The following TMEM150C variants were observed in gnomAD, a reference collection of about 807,000 sequenced individuals.
TMEM150C encodes the protein transmembrane protein 150C.
In TMEM150C, 10 loss-of-function variants were observed where a neutral mutation model predicts 29.9. That is an observed-to-expected ratio of 0.33 (90% CI 0.21 to 0.57). The LOEUF is 0.57. TMEM150C is among the 20% of genes least tolerant of loss of function. The pLI, the probability that TMEM150C is intolerant of heterozygous loss-of-function variation, is 0.88. For missense variants in TMEM150C, 251 were observed against 303.6 expected (o/e 0.83, Z 1.29); for synonymous variants, 101 against 112.5 (o/e 0.90, Z 0.64).
intron 2 of TMEM150C, among the ~76,000 whole-genome samples, chr4:82,503,453 T>G (rs994718196): frequency 4.6e-5 from 7 of 152,184 alleles, no homozygotes; most frequent in African/African-American, 1.7e-4. Context: ...TAACAAACTT[T>G]GAGAAACTAA....
At chr4:82,507,851 G>A (rs927214256) in intron 1 of TMEM150C, among the ~76,000 whole-genome samples, 2 of 141,732 alleles carry the variant, frequency 1.4e-5, no homozygotes, top group African/African-American at 5.3e-5. Context: ...GGGCTCAAGC[G>A]ATCCTCCCAC....
chr4:82,521,991 A>G (rs930618002), intron 1 of TMEM150C, among the ~76,000 whole-genome samples: 4 of 152,138 alleles, frequency 2.6e-5, no homozygotes, highest in African/African-American at 9.7e-5. Flanking sequence ...TGAACCTGGG[A>G]GGTCGAGGCT....
At chr4:82,530,445 T>C (rs545686971) in intron 1 of TMEM150C, among the ~76,000 whole-genome samples, 1 of 152,180 alleles carries the variant, frequency 6.6e-6, no homozygotes, top group South Asian at 2.1e-4. Context: ...TAGTCCCAGT[T>C]ACTCGGGAGG....
chr4:82,523,092 A>T (rs925424327), intron 1 of TMEM150C, among the ~76,000 whole-genome samples: 1 of 152,168 alleles, frequency 6.6e-6, no homozygotes, highest in East Asian at 1.9e-4. Context: ...GTGGAGGAAC[A>T]CCAGGGTTCT....
Position 82,504,612 on chromosome 4 carries a change from A to G in TMEM150C, c.46T>C (p.Phe16Leu). ...AATCCAGCTGAAGTAAACAAAGTAA[A>G]TACAAGAGGTAGGAACATCCATACG... ...CSVWMFLPLV[F>L]TLFTSAGLWI... The change falls in exon 2 of 8, where the codon TTT (phenylalanine) becomes CTT (leucine). Residue 16 changes from phenylalanine (F) to leucine (L), a missense_variant. By Grantham distance (22) the Phe-to-Leu change is conservative. Coordinates refer to ENST00000449862, the MANE Select transcript of TMEM150C (RefSeq NM_001080506.3). 1 of 1,613,790 alleles carries G rather than the reference A, an allele frequency of 6.2e-7. No homozygotes were observed. Among genetic ancestry groups the G allele is most frequent in the East Asian group, 2.2e-5 (1 of 44,890 alleles).
intron 1 of TMEM150C, among the ~76,000 whole-genome samples, chr4:82,523,385 G>A (rs1483833834): frequency 1.3e-5 from 2 of 152,188 alleles, no homozygotes; most frequent in African/African-American, 4.8e-5. Context: ...AGCCCTGCGA[G>A]AAAGCTGGCC....
At chr4:82,504,787 T>C in intron 1 of TMEM150C, 120 bp from the exon 2 acceptor site, 1 of 664,372 alleles carries the variant, frequency 1.5e-6, no homozygotes, top group Non-Finnish European at 2.6e-6. Flanking sequence ...TCCCAGCACT[T>C]TGGGAGGCCG....
intron 1 of TMEM150C, among the ~76,000 whole-genome samples, chr4:82,524,930 C>T (rs1382978518): frequency 6.6e-6 from 1 of 152,148 alleles, no homozygotes; most frequent in Non-Finnish European, 1.5e-5. Flanking sequence ...CACAGAAACA[C>T]GGTGTGATTA....
intron 1 of TMEM150C, among the ~76,000 whole-genome samples, chr4:82,542,237 G>A (rs921069646): frequency 1.3e-5 from 2 of 152,190 alleles, no homozygotes; most frequent in African/African-American, 2.4e-5. Context: ...GGGTCTTAAA[G>A]CTGTGGACAA....
intron 1 of TMEM150C, among the ~76,000 whole-genome samples, chr4:82,526,355 T>C (rs1448931456): frequency 2.6e-5 from 4 of 152,232 alleles, no homozygotes; most frequent in Admixed American, 1.3e-4. Context: ...ATCTGCTCAA[T>C]TGGCCAGGTA....
intron 7 of TMEM150C, among the ~76,000 whole-genome samples, chr4:82,487,740 A>C (rs1013276241): frequency 2.6e-5 from 4 of 152,198 alleles, no homozygotes; most frequent in Non-Finnish European, 4.4e-5. Flanking sequence ...TTGTGAATGA[A>C]GAAAAAATAA....
rs186943145 is a variant in TMEM150C, at chr4:82,506,976, T to A, written c.-10-2309A>T. 2.1e-3 allele frequency among the ~76,000 whole-genome samples: 319 copies of A among 152,236 alleles called. 4 individuals carry two copies. Among genetic ancestry groups the A allele is most frequent in the Admixed American group, 9.1e-3 (140 of 15,302 alleles). On this transcript the variant is annotated intron_variant, in intron 1 of 7. Coordinates refer to ENST00000449862, the MANE Select transcript of TMEM150C (RefSeq NM_001080506.3). ...CTCGGCTTTCCCAATAACTGACTAA[T>A]AGGGTCTGGGTCGTTACTTAAATCT...
intron 1 of TMEM150C, among the ~76,000 whole-genome samples, chr4:82,510,422 G>C (rs1724086767): frequency 6.6e-6 from 1 of 152,230 alleles, no homozygotes; most frequent in Non-Finnish European, 1.5e-5. Flanking sequence ...TGGGGCAATG[G>C]AGAGAGGTAG....
intron 5 of TMEM150C, among the ~76,000 whole-genome samples, chr4:82,498,810 C>G (rs1359629548): frequency 6.6e-6 from 1 of 152,180 alleles, no homozygotes; most frequent in East Asian, 1.9e-4. Context: ...CCAGTAAACA[C>G]AGGACATGCA....
chr4:82,557,739 T>C (rs990292465), intron 1 of TMEM150C, among the ~76,000 whole-genome samples: 5 of 149,838 alleles, frequency 3.3e-5, no homozygotes, highest in African/African-American at 1.2e-4. Flanking sequence ...TTTTTCTTTT[T>C]TTTTTTTTTT....
intron 1 of TMEM150C, among the ~76,000 whole-genome samples, chr4:82,520,844 C>T (rs1290901257): frequency 6.6e-6 from 1 of 152,180 alleles, no homozygotes; most frequent in Non-Finnish European, 1.5e-5. Flanking sequence ...CACTGCATTC[C>T]AGCCTGGGTG....
In TMEM150C at chr4:82,484,975, G is replaced by C. The variant is rs898016686; in HGVS notation, c.*536C>G. The C allele has an allele frequency of 6.5e-6, 1 of 153,112 alleles. No individual in the cohort carries two copies. Among genetic ancestry groups the C allele is most frequent in the Admixed American group, 6.5e-5 (1 of 15,370 alleles). 9.5% of individuals were successfully genotyped at this position (153,112 alleles called of 1,614,324 possible). ...CTGAACAACGATGAAGGGGGCTTTC[G>C]TGGGAAAGTTCTTCTCACTATGCCT... On this transcript the variant is annotated 3_prime_UTR_variant, in exon 8 of 8. Transcript: ENST00000449862.
At chr4:82,558,921 A>G (rs1388220903) in intron 1 of TMEM150C, among the ~76,000 whole-genome samples, 1 of 152,168 alleles carries the variant, frequency 6.6e-6, no homozygotes, top group Non-Finnish European at 1.5e-5. Context: ...ATGACATTCC[A>G]TCATTGTGAT....
chr4:82,491,949 G>GT (rs1193911170), intron 6 of TMEM150C, among the ~76,000 whole-genome samples: 141 of 144,870 alleles, frequency 9.7e-4, no homozygotes, highest in East Asian at 4.4e-3. Context: ...TTTTTTTTTG[G>GT]TTTTTTTTTT....
Sources: allele counts gnomAD v4.1 joint callset (sites outside exome capture counted in the v4.1 genomes callset), GRCh38; gene constraint gnomAD v4.1.1; transcripts MANE v1.5; gene names NCBI Gene and HGNC (gene_info 2026-07-23, HGNC 2026-07-21).